Variants in NELL2 observed in about 807,000 individuals in gnomAD.
NELL2 encodes protein kinase C-binding protein NELL2.
In NELL2, 41 loss-of-function variants were observed where a neutral mutation model predicts 109.6. The ratio of observed to expected loss-of-function variants is 0.37; its 90% confidence interval spans 0.29 to 0.49. The LOEUF (loss-of-function observed/expected upper bound fraction) is 0.49, where lower values mean the gene tolerates loss of function less well. NELL2 is among the 20% of genes least tolerant of loss of function. The pLI is 0.98. For synonymous variants in NELL2, 355 were observed against 344.7 expected (o/e 1.03, Z -0.33); for missense variants, 900 against 1,008.3 (o/e 0.89, Z 1.45).
chr12:44,858,404 G>T lies in NELL2; in HGVS notation c.184+16821C>A, dbSNP rs532517961. ...CCTTTGTAGGGAGAGACACATGGTTGCCCTGGGTTACTCACCCTTTCCCAA... is the reference window on the plus strand; with the variant it reads ...CCTTTGTAGGGAGAGACACATGGTTTCCCTGGGTTACTCACCCTTTCCCAA... On this transcript the variant is annotated intron_variant, in intron 2 of 19. Transcript: ENST00000429094. 1.0e-3 allele frequency among the ~76,000 whole-genome samples: 154 copies of T among 152,254 alleles called. 1 individual carries two copies. The highest frequency in any genetic ancestry group is 3.2e-3 in the African/African-American group (132 of 41,554).
At chr12:44,688,820 G>T (rs935372049) in intron 12 of NELL2, among the ~76,000 whole-genome samples, 1 of 152,258 alleles carries the variant, frequency 6.6e-6, no homozygotes, top group Admixed American at 6.5e-5. Flanking sequence ...CTATGTACAA[G>T]GAATGTGTCC....
At chr12:44,715,385 T>C (rs1255597164) in intron 9 of NELL2, among the ~76,000 whole-genome samples, 3 of 151,240 alleles carry the variant, frequency 2.0e-5, no homozygotes, top group Non-Finnish European at 4.4e-5. Context: ...TTTTAATCCA[T>C]AAAAATGCAT....
chr12:44,683,228 A>G (rs1948590354), intron 12 of NELL2, among the ~76,000 whole-genome samples: 1 of 151,986 alleles, frequency 6.6e-6, no homozygotes, highest in South Asian at 2.1e-4. Flanking sequence ...TTTGCCTGTT[A>G]TTGGTGTATA....
intron 10 of NELL2, among the ~76,000 whole-genome samples, chr12:44,712,728 A>C (rs1938271243): frequency 1.3e-5 from 2 of 152,026 alleles, no homozygotes; most frequent in Non-Finnish European, 2.9e-5. Flanking sequence ...CACTAGGTAC[A>C]TGTGGCTCTT....
intron 3 of NELL2, among the ~76,000 whole-genome samples, chr12:44,806,094 A>T (rs2136663199): frequency 6.9e-6 from 1 of 145,124 alleles, no homozygotes; most frequent in South Asian, 2.3e-4. Flanking sequence ...ACTGCACATC[A>T]TTTAAGAAAA....
At chr12:44,584,355 T>C (rs1427185799) in intron 15 of NELL2, among the ~76,000 whole-genome samples, 4 of 152,216 alleles carry the variant, frequency 2.6e-5, no homozygotes, top group African/African-American at 7.2e-5. Context: ...GCAAGAAATG[T>C]CACATAACTG....
chr12:44,827,545 A>G (rs1422193482), intron 2 of NELL2, among the ~76,000 whole-genome samples: 2 of 148,542 alleles, frequency 1.3e-5, no homozygotes, highest in Admixed American at 7.0e-5. Flanking sequence ...TTTAATTTTT[A>G]GCTCCCACAA....
intron 3 of NELL2, among the ~76,000 whole-genome samples, chr12:44,791,121 G>GTGTATATATA (rs1555217774): frequency 8.3e-5 from 2 of 24,214 alleles, no homozygotes; most frequent in African/African-American, 1.2e-4. Flanking sequence ...ATATATATAT[G>GTGTATATATA]TATATATATA....
intron 3 of NELL2, among the ~76,000 whole-genome samples, chr12:44,785,544 G>A (rs923370224): frequency 1.2e-4 from 19 of 152,014 alleles, no homozygotes; most frequent in African/African-American, 4.3e-4. Flanking sequence ...AATTTCATAT[G>A]GAAACAAAAA....
intron 15 of NELL2, among the ~76,000 whole-genome samples, chr12:44,556,069 C>T (rs1943241551): frequency 6.6e-6 from 1 of 152,168 alleles, no homozygotes; most frequent in South Asian, 2.1e-4. Flanking sequence ...CTTCTTTTGC[C>T]TGCATAATAC....
At chr12:44,840,654 T>C (rs774466157) in intron 2 of NELL2, among the ~76,000 whole-genome samples, 3 of 149,636 alleles carry the variant, frequency 2.0e-5, no homozygotes, top group African/African-American at 4.9e-5. Flanking sequence ...AAAAAAGCCA[T>C]AATATATGCT....
chr12:44,804,841 T>C (rs1470701), intron 3 of NELL2, among the ~76,000 whole-genome samples: 105,424 of 151,428 alleles, frequency 0.7, 36,848 homozygotes, highest in South Asian at 0.74. Flanking sequence ...TCAAAAATTT[T>C]GTTATTATAC....
intron 15 of NELL2, among the ~76,000 whole-genome samples, chr12:44,570,027 T>A (rs1943806369): frequency 6.6e-6 from 1 of 152,202 alleles, no homozygotes. Context: ...AGGTAACTTT[T>A]TCTTCTTTTA....
chr12:44,622,128 T>C (rs1347962188), intron 13 of NELL2, among the ~76,000 whole-genome samples: 1 of 152,172 alleles, frequency 6.6e-6, no homozygotes, highest in Non-Finnish European at 1.5e-5. Context: ...CTCCAACAGA[T>C]ACAAAATCAA....
At chr12:44,751,769 T>G (rs951286813) in intron 9 of NELL2, among the ~76,000 whole-genome samples, 16 of 152,156 alleles carry the variant, frequency 1.1e-4, no homozygotes, top group African/African-American at 3.9e-4. Flanking sequence ...CATCAAAACT[T>G]AAAATATGTA....
chr12:44,685,013 T>G (rs2136381152), intron 12 of NELL2, among the ~76,000 whole-genome samples: 1 of 152,096 alleles, frequency 6.6e-6, no homozygotes, highest in South Asian at 2.1e-4. Context: ...ATGTTGACAG[T>G]GAGGTGTTAA....
intron 9 of NELL2, among the ~76,000 whole-genome samples, chr12:44,716,615 T>C (rs767864516): frequency 1.4e-4 from 22 of 152,122 alleles, no homozygotes; most frequent in Non-Finnish European, 2.8e-4. Context: ...ACCTAGCATA[T>C]TGCATGTTTA....
At chr12:44,874,955 A>T (rs1269815549) in intron 2 of NELL2, 1 of 323,806 alleles carries the variant, frequency 3.1e-6, no homozygotes, top group Non-Finnish European at 5.6e-6. Flanking sequence ...TTCTAAAATC[A>T]ACCATCTGCC....
intron 2 of NELL2, among the ~76,000 whole-genome samples, chr12:44,864,422 T>C (rs1293329868): frequency 1.3e-5 from 2 of 152,136 alleles, no homozygotes; most frequent in Non-Finnish European, 2.9e-5. Context: ...AGGATAGCTA[T>C]ACTTACATCA....
Sources: allele counts gnomAD v4.1 joint callset (sites outside exome capture counted in the v4.1 genomes callset), GRCh38; gene constraint gnomAD v4.1.1; transcripts MANE v1.5; gene names NCBI Gene and HGNC (gene_info 2026-07-23, HGNC 2026-07-21).